The following TYW1B variants were observed in gnomAD, a reference collection of about 807,000 sequenced individuals.
TYW1B encodes tRNA-yW synthesizing protein 1 homolog B, also known as S-adenosyl-L-methionine-dependent tRNA 4-demethylwyosine synthase TYW1B.
In TYW1B, 73 loss-of-function variants were observed where a neutral mutation model predicts 86.9. The ratio of observed to expected loss-of-function variants is 0.84; its 90% CI spans 0.70 to 1.02. The LOEUF (loss-of-function observed/expected upper bound fraction) is 1.02. Ranked by LOEUF, TYW1B falls within the 50% of genes least tolerant of loss-of-function variation. The pLI is 0.00. For synonymous variants in TYW1B, 248 were observed against 292.8 expected, an observed-to-expected ratio of 0.85 and a Z score of 1.56; for missense variants, 637 against 827.4, an observed-to-expected ratio of 0.77 and a Z score of 2.82.
At chr7:72,759,573 A>C (rs1424865399) in intron 7 of TYW1B, among the ~76,000 whole-genome samples, 3 of 152,176 alleles carry the variant, frequency 2.0e-5, no homozygotes, top group Non-Finnish European at 4.4e-5. Flanking sequence ...AGCACTAAGG[A>C]TCATTATTCA....
intron 7 of TYW1B, among the ~76,000 whole-genome samples, chr7:72,775,207 T>C (rs1787934098): frequency 6.6e-6 from 1 of 152,074 alleles, no homozygotes; most frequent in South Asian, 2.1e-4. Context: ...TATATAACTG[T>C]AGTCTTCTAG....
At chr7:72,743,286 CA>C (rs1787336190) in intron 8 of TYW1B, among the ~76,000 whole-genome samples, 1 of 152,218 alleles carries the variant, frequency 6.6e-6, no homozygotes, top group South Asian at 2.1e-4. Context: ...GAAGAGCTAA[CA>C]GGGGAAACTG....
chr7:72,749,710 C>CT (rs1323518718), intron 7 of TYW1B, among the ~76,000 whole-genome samples: 1 of 150,060 alleles, frequency 6.7e-6, no homozygotes, highest in African/African-American at 2.4e-5. Context: ...CTATTCTTCA[C>CT]TTCCTTCCAT....
At chr7:72,784,771 T>C (rs1554472168) in intron 6 of TYW1B, among the ~76,000 whole-genome samples, 1 of 152,168 alleles carries the variant, frequency 6.6e-6, no homozygotes, top group Non-Finnish European at 1.5e-5. Context: ...GCACTGGGAT[T>C]ACAGGCATAA....
intron 8 of TYW1B, among the ~76,000 whole-genome samples, chr7:72,739,563 G>GTC (rs1787265075): frequency 2.0e-5 from 3 of 148,596 alleles, no homozygotes; most frequent in African/African-American, 5.1e-5. Context: ...CCAAGATCAT[G>GTC]CCATTGCACT....
chr7:72,728,266 T>C (rs1172454085), intron 9 of TYW1B, among the ~76,000 whole-genome samples: 1 of 152,226 alleles, frequency 6.6e-6, no homozygotes, highest in African/African-American at 2.4e-5. Context: ...GGTAAATCTT[T>C]CAAGTTGAAT....
intron 7 of TYW1B, among the ~76,000 whole-genome samples, chr7:72,752,534 C>T (rs1039987980): frequency 5.3e-5 from 8 of 152,010 alleles, no homozygotes; most frequent in African/African-American, 1.9e-4. Flanking sequence ...AGTTCGAGAC[C>T]ACTCTGGCCA....
chr7:72,713,711 T>C lies in TYW1B; in HGVS notation c.1280A>G (p.Tyr427Cys). 6.2e-7 allele frequency: 1 copy of C among 1,613,748 alleles called. No homozygotes were observed. Among genetic ancestry groups the C allele is most frequent in the Non-Finnish European group, 8.5e-7 (1 of 1,179,924 alleles). The change falls in exon 10 of 14, where the codon TAC becomes TGC. Residue 427 changes from tyrosine to cysteine, a missense_variant. Transcript: ENST00000620995. ...CTTCAAAAACCTGTTGATCTCTGGG[T>C]ACATTATTGGTTCTCCCACGAGGGA... Reference protein sequence around the residue: ...ALSLVGEPIMYPEINRFLKLL... With the variant: ...ALSLVGEPIMCPEINRFLKLL...
At chr7:72,687,106 G>A (rs1326879629) in intron 11 of TYW1B, among the ~76,000 whole-genome samples, 6 of 152,126 alleles carry the variant, frequency 3.9e-5, no homozygotes, top group African/African-American at 1.4e-4. Flanking sequence ...GTTAAAATGA[G>A]GAGCTCTGTT....
chr7:72,765,034 G>C (rs543161480), intron 7 of TYW1B, among the ~76,000 whole-genome samples: 6 of 152,048 alleles, frequency 3.9e-5, no homozygotes, highest in Non-Finnish European at 8.8e-5. Context: ...CTCTCAAGTA[G>C]GATACAATTG....
At chr7:72,629,916 C>A (rs1812442022) in intron 11 of TYW1B, among the ~76,000 whole-genome samples, 2 of 152,084 alleles carry the variant, frequency 1.3e-5, no homozygotes, top group Admixed American at 1.3e-4. Flanking sequence ...CTTTGTAGCT[C>A]CCTTTTAGAA....
chr7:72,601,750 T>A (rs1585838573), intron 13 of TYW1B, among the ~76,000 whole-genome samples: 5 of 115,986 alleles, frequency 4.3e-5, no homozygotes, highest in African/African-American at 1.1e-4. Flanking sequence ...TATTGCTAAG[T>A]GAAAAAAAAA....
intron 11 of TYW1B, among the ~76,000 whole-genome samples, chr7:72,657,058 A>T (rs1175546133): frequency 2.0e-5 from 3 of 152,236 alleles, no homozygotes; most frequent in African/African-American, 7.2e-5. Context: ...AAAGAAAAGG[A>T]AATTTATGAA....
chr7:72,810,737 A>C lies in TYW1B; in HGVS notation c.238-72T>G, dbSNP rs553929728. 1.3e-3 allele frequency: 1,894 copies of C among 1,513,156 alleles called. 16 individuals carry two copies. Among genetic ancestry groups the C allele is most frequent in the East Asian group, 0.012 (522 of 43,498 alleles). The allele number at this position is 1,513,156 out of a possible 1,614,324, so 93.7% of individuals were successfully genotyped here. Reference sequence around the variant, plus strand: ...TATCTCAACGAAGAAAATCCTTTGAAAAAAAGCATACTCATCTCAAAGAAC... The same window carrying C: ...TATCTCAACGAAGAAAATCCTTTGACAAAAAGCATACTCATCTCAAAGAAC... On this transcript the variant is annotated intron_variant, in intron 3 of 13. Transcript: ENST00000620995.
intron 11 of TYW1B, among the ~76,000 whole-genome samples, chr7:72,651,416 G>A (rs1230918733): frequency 1.3e-5 from 2 of 152,128 alleles, no homozygotes; most frequent in Non-Finnish European, 2.9e-5. Flanking sequence ...TCAGGAGTTC[G>A]AAATCAGCCT....
rs549312568 is a variant in TYW1B at position 72,698,161 on chromosome 7, A to C, written c.1371-3339T>G. The stretch of plus-strand genomic sequence containing the variant: ...AATAGCTCAGGAGGAAGAGAGGAGG[A>C]GGGTGAAAGAGAAGGAGAGAATTAT... On this transcript the variant is annotated intron_variant, in intron 10 of 13. Transcript: ENST00000620995. 1.7e-4 allele frequency among the ~76,000 whole-genome samples: 26 copies of C among 152,248 alleles called. 1 individual carries two copies. The East Asian group carries it at 4.8e-3, about 28-fold the overall frequency.
chr7:72,664,248 GTTTC>G (rs1485564730), intron 11 of TYW1B, among the ~76,000 whole-genome samples: 2 of 151,378 alleles, frequency 1.3e-5, no homozygotes, highest in African/African-American at 2.4e-5. Context: ...AAATATTTGG[GTTTC>G]TTTTTTTTTT....
chr7:72,621,542 C>T (rs1563033676), intron 12 of TYW1B, among the ~76,000 whole-genome samples: 2 of 152,188 alleles, frequency 1.3e-5, no homozygotes, highest in Non-Finnish European at 2.9e-5. Context: ...CTAAACCGAC[C>T]CATCATTTCT....
intron 13 of TYW1B, among the ~76,000 whole-genome samples, chr7:72,605,022 C>T (rs1811760392): frequency 6.6e-6 from 1 of 152,304 alleles, no homozygotes; most frequent in African/African-American, 2.4e-5. Context: ...AATGCAGAAG[C>T]TCCACTCTCT....
Sources: allele counts gnomAD v4.1 joint callset (sites outside exome capture counted in the v4.1 genomes callset), GRCh38; gene constraint gnomAD v4.1.1; transcripts MANE v1.5; gene names NCBI Gene and HGNC (gene_info 2026-07-23, HGNC 2026-07-21).